Variants in DOP1A observed in about 807,000 individuals in gnomAD.
The protein encoded by DOP1A is protein DOP1A.
Under a neutral mutation model 267.6 loss-of-function variants are expected in DOP1A, and 90 were observed. That is an observed-to-expected ratio of 0.34 (90% CI 0.28 to 0.40). The LOEUF is 0.40. Among genes scored for constraint, DOP1A ranks in the 10% least tolerant of loss-of-function variants. The pLI is 1.00. For missense variants in DOP1A, 2,437 were observed against 2,900.4 expected (o/e 0.84, Z 3.67); for synonymous variants, 932 against 999.1 (o/e 0.93, Z 1.27).
At chr6:83,111,418 A>C (rs1459457790) in intron 6 of DOP1A, among the ~76,000 whole-genome samples, 1 of 151,568 alleles carries the variant, frequency 6.6e-6, no homozygotes, top group Non-Finnish European at 1.5e-5. Context: ...GTTTTTTGGT[A>C]ACTCTGTTGA....
chr6:83,168,650 C>G, downstream of DOP1A: 1 of 995,884 alleles, frequency 1.0e-6, no homozygotes, highest in Non-Finnish European at 1.2e-6. Flanking sequence ...GAAGGCTGGA[C>G]CATGCATCCT....
chr6:83,092,429 G>T (rs1770596944), intron 1 of DOP1A, among the ~76,000 whole-genome samples: 1 of 152,082 alleles, frequency 6.6e-6, no homozygotes. Context: ...GATGTGCAAG[G>T]TTAAGATTAT....
At chr6:83,120,556 G>C (rs1202648537) in intron 9 of DOP1A, 127 bp from the exon 10 acceptor site, 1 of 616,034 alleles carries the variant, frequency 1.6e-6, no homozygotes, top group Non-Finnish European at 2.5e-6. Context: ...TGGTGAAAAG[G>C]CTTCAGAAAA....
chr6:83,165,948 A>G (rs574085851), intron 38 of DOP1A: 78 of 364,364 alleles, frequency 2.1e-4, no homozygotes, highest in Admixed American at 5.4e-4. Context: ...GCAAACCACC[A>G]AACAATGACC....
intron 16 of DOP1A, among the ~76,000 whole-genome samples, 174 bp from the exon 17 acceptor site, chr6:83,129,949 T>G (rs1777767888): frequency 6.6e-6 from 1 of 152,218 alleles, no homozygotes; most frequent in Non-Finnish European, 1.5e-5. Context: ...GAAAAAAGTA[T>G]AAGAAATTCT....
intron 1 of DOP1A, among the ~76,000 whole-genome samples, chr6:83,091,744 TTA>T: frequency 6.6e-6 from 1 of 152,300 alleles, no homozygotes; most frequent in Middle Eastern, 3.4e-3. Flanking sequence ...GCACTGAATA[TTA>T]TATGTCTTCA....
chr6:83,160,974 C>CATATAT (rs144188690), intron 37 of DOP1A, among the ~76,000 whole-genome samples: 3 of 149,522 alleles, frequency 2.0e-5, no homozygotes, highest in Non-Finnish European at 4.5e-5. Flanking sequence ...ACTTGAAAAC[C>CATATAT]ATATATATAT....
Position 83,138,671 on chromosome 6 carries a change from T to C in DOP1A, c.4629T>C (p.His1543=). ...CTATCTTTAGTGCTCAGAAATGGCATAGTGAAAAAATGGCAGGTAAGAACC... is the reference window on the plus strand; with the variant it reads ...CTATCTTTAGTGCTCAGAAATGGCACAGTGAAAAAATGGCAGGTAAGAACC... ...LSSIFSAQKW[H]SEKMAGKNLV... is the part of the protein sequence containing the mutation. The change falls in exon 21 of 39, where the codon CAT becomes CAC. Residue 1543 remains histidine (H), a synonymous_variant. Coordinates refer to ENST00000349129, the MANE Select transcript of DOP1A (RefSeq NM_015018.4). 1 of 1,613,938 alleles carries C rather than the reference T, an allele frequency of 6.2e-7. No homozygotes were observed. The highest frequency in any genetic ancestry group is 8.5e-7 in the Non-Finnish European group (1 of 1,179,922).
chr6:83,117,786 C>G (rs1288311941), intron 7 of DOP1A, among the ~76,000 whole-genome samples: 1 of 152,124 alleles, frequency 6.6e-6, no homozygotes, highest in African/African-American at 2.4e-5. Context: ...TTAGAGATAC[C>G]TAGGGGTCTT....
chr6:83,159,592 A>G (rs1029863645), intron 36 of DOP1A: 4 of 622,110 alleles, frequency 6.4e-6, no homozygotes, highest in South Asian at 5.9e-5. Context: ...CGCCCAGTCT[A>G]TGTACTGTTT....
chr6:83,101,343 T>C (rs1478311805), intron 4 of DOP1A, among the ~76,000 whole-genome samples: 3 of 152,194 alleles, frequency 2.0e-5, no homozygotes, highest in African/African-American at 7.2e-5. Flanking sequence ...ATATTTGAGT[T>C]AAGTGATTCA....
At position 83,151,592 on chromosome 6, in the gene DOP1A, G is replaced by T; in HGVS notation, c.5838-1G>T. ...TTCTGTTTTCTCTTTGGCCCTTTTA[G>T]GGTTCTGAATGAGTTTATTATGAAA... On this transcript the variant is annotated splice_acceptor_variant, in intron 27 of 38. Coordinates refer to ENST00000349129, the MANE Select transcript of DOP1A (RefSeq NM_015018.4). LOFTEE classifies it high-confidence loss of function. The T allele has an allele frequency of 6.3e-7, 1 of 1,597,004 alleles. No individual in the cohort carries two copies. The highest frequency in any genetic ancestry group is 8.5e-7 in the Non-Finnish European group (1 of 1,174,700).
rs1019616725 is a variant in DOP1A, at chr6:83,096,723, A to T, written c.-146-8A>T. 1 of 410,544 alleles carries T rather than the reference A, an allele frequency of 2.4e-6. No homozygotes were observed. The allele number at this position is 410,544 out of a possible 1,614,324, so 25.4% of individuals were successfully genotyped here. A position where few individuals can be genotyped will look rare whatever the true frequency, so the allele number is the denominator to read the frequency against. On this transcript the variant is annotated splice_polypyrimidine_tract_variant and splice_region_variant and intron_variant, in intron 1 of 38. Transcript: ENST00000349129. ...CTAAATTTTCACAGTCATTTTTCCA[A>T]TTCCTAGGAAGGAACACACAAGTAG... is the stretch of plus-strand genomic sequence containing the variant.
intron 1 of DOP1A, among the ~76,000 whole-genome samples, chr6:83,084,577 T>G (rs1768730784): frequency 6.6e-6 from 1 of 152,062 alleles, no homozygotes; most frequent in Non-Finnish European, 1.5e-5. Context: ...TAGTTTGTTT[T>G]TTTTGTTTTG....
At chr6:83,082,230 G>C (rs951475281) in intron 1 of DOP1A, among the ~76,000 whole-genome samples, 1 of 152,158 alleles carries the variant, frequency 6.6e-6, no homozygotes, top group African/African-American at 2.4e-5. Context: ...ATAAACAGCA[G>C]TATTCACATA....
chr6:83,157,131 T>C (rs745760470), intron 34 of DOP1A, 51 bp from the exon 35 acceptor site: 4 of 1,581,084 alleles, frequency 2.5e-6, no homozygotes. Flanking sequence ...ATAGAAAGTT[T>C]TATGTGATAA....
At chr6:83,146,488 G>T (rs1015824639) in intron 25 of DOP1A, among the ~76,000 whole-genome samples, 1 of 152,054 alleles carries the variant, frequency 6.6e-6, no homozygotes, top group African/African-American at 2.4e-5. Context: ...TTTTTAGTTT[G>T]TATTTTGAGT....
chr6:83,093,195 CAG>C (rs1387364099), intron 1 of DOP1A, among the ~76,000 whole-genome samples: 2 of 152,228 alleles, frequency 1.3e-5, no homozygotes, highest in Admixed American at 6.5e-5. Context: ...TCTCTCTAGT[CAG>C]CACCCAAACA....
In DOP1A at chr6:83,154,230, G is replaced by C; in HGVS notation, c.6440G>C (p.Arg2147Thr). The C allele has an allele frequency of 6.2e-7, 1 of 1,613,592 alleles. No homozygotes were observed. The highest frequency in any genetic ancestry group is 8.5e-7 in the Non-Finnish European group (1 of 1,179,684). ...NLMTHDKTTF[R>T]DLMTRVAVAQ... is the part of the protein sequence containing the mutation. ...ATGACACATGATAAAACAACATTTA[G>C]AGATTTGATGAGTGAGTATTACGGG... is the stretch of plus-strand genomic sequence containing the variant. Residue 2147 changes from arginine (R) to threonine (T), a missense_variant, in exon 33 of 39, where the codon AGA becomes ACA. Around this residue, in one of 9 missense-constraint regions of DOP1A, gnomAD observed 75 missense variants for 149.6 expected, o/e 0.50. Coordinates refer to ENST00000349129, the MANE Select transcript of DOP1A (RefSeq NM_015018.4).
Sources: gnomAD v4.1 joint callset for allele counts (sites outside exome capture counted in the v4.1 genomes callset) on GRCh38, gnomAD v4.1.1 for gene constraint, gnomAD v4.1.1 regional missense constraint, MANE v1.5 for transcripts, NCBI Gene and HGNC (gene_info 2026-07-23, HGNC 2026-07-21) for gene names.